Variants in PARG observed in about 807,000 individuals in gnomAD.
The protein encoded by PARG is mitochondrial poly(ADP-ribose) glycohydrolase.
Under a neutral mutation model 113.0 loss-of-function variants are expected in PARG, and 35 were observed. That is an observed-to-expected ratio of 0.31 (90% CI 0.24 to 0.41). PARG has a LOEUF of 0.41. Ranked by LOEUF, PARG falls within the 10% of genes least tolerant of loss-of-function variation. The pLI is 1.00. For synonymous variants in PARG, 330 were observed against 409.9 expected (o/e 0.81, Z 2.36); for missense variants, 797 against 1,169.4 (o/e 0.68, Z 4.64).
At chr10:49,938,958 T>C (rs1239628440) in intron 1 of PARG, among the ~76,000 whole-genome samples, 1 of 152,128 alleles carries the variant, frequency 6.6e-6, no homozygotes, top group Non-Finnish European at 1.5e-5. Context: ...CTGTGCCAGG[T>C]ATACAGAAAA....
intron 7 of PARG, among the ~76,000 whole-genome samples, chr10:49,911,262 G>A (rs1837166204): frequency 6.8e-6 from 1 of 147,762 alleles, no homozygotes; most frequent in Non-Finnish European, 1.5e-5. Context: ...CAGCCTGAGT[G>A]ACAGAGAAAG....
Position 49,913,216 on chromosome 10 carries a change from T to C in PARG, c.1737+2701A>G, listed in dbSNP as rs529243478. Among the ~76,000 whole-genome samples the C allele has an allele frequency of 1.8e-3, 271 of 152,268 alleles. 1 individual carries two copies. The highest frequency in any genetic ancestry group is 3.3e-3 in the Non-Finnish European group (225 of 68,028). On this transcript the variant is annotated intron_variant, in intron 7 of 17. Transcript: ENST00000616448. ...GAATAATATCTGGAGATTTGATGGA[T>C]AGAAAAATAAACAAGTGTATTAAAC... is the stretch of plus-strand genomic sequence containing the variant.
intron 7 of PARG, among the ~76,000 whole-genome samples, chr10:49,901,773 T>C (rs1393806595): frequency 2.0e-5 from 3 of 152,094 alleles, no homozygotes; most frequent in African/African-American, 4.8e-5. Flanking sequence ...TAATATCCAA[T>C]CTAAAAAAAT....
rs189729502 is a variant in PARG at position 49,907,047 on chromosome 10, G to C, written c.1737+8870C>G. Among the ~76,000 whole-genome samples the C allele has an allele frequency of 5.9e-5, 9 of 152,148 alleles. No homozygotes were observed. In the East Asian group the frequency reaches 1.7e-3, roughly 29 times the overall value. On this transcript the variant is annotated intron_variant, in intron 7 of 17. Transcript: ENST00000616448. ...ATGCCCTTTGTTTATCTTAGAGCTA[G>C]GCTTCTCAGGACTGAGGCAGATTAG...
chr10:49,932,348 A>T, intron 3 of PARG, 65 bp from the exon 4 acceptor site: 1 of 927,636 alleles, frequency 1.1e-6, no homozygotes, highest in Non-Finnish European at 1.8e-6. Context: ...TAGATACACA[A>T]GCACAAAACT....
Position 49,932,125 on chromosome 10 carries a change from G to T in PARG, c.1430C>A (p.Ser477Tyr), listed in dbSNP as rs1554909939. 4.3e-5 allele frequency: 69 copies of T among 1,602,988 alleles called. No individual in the cohort carries two copies. Among genetic ancestry groups the T allele is most frequent in the African/African-American group, 6.7e-5 (5 of 74,878 alleles). The change falls in exon 4 of 18, where the codon TCT (serine) becomes TAT (tyrosine). Residue 477 changes from serine (S) to tyrosine (Y), a missense_variant. This residue lies in a region of PARG where 252 missense variants were observed against 437.4 expected (regional missense o/e 0.58). Coordinates refer to ENST00000616448, the MANE Select transcript of PARG (RefSeq NM_003631.5). ...CGIRLPLLRP[S>Y]ANHTVTIRVD... ...CCGAATAGTTACTGTGTGATTGGCA[G>T]ATGGTCTCAAGAGAGGCAGCCGGAT...
At chr10:49,828,092 C>CAAAAAAAAAAAAAAAAAAAAAAA (rs71026274) in intron 16 of PARG, among the ~76,000 whole-genome samples, 1 of 50,410 alleles carries the variant, frequency 2.0e-5, no homozygotes, top group Non-Finnish European at 3.5e-5. Flanking sequence ...AAAGCTTAAA[C>CAAAAAAAAAAAAAAAAAAAAAAA]AAAAAAAAAA....
intron 4 of PARG, among the ~76,000 whole-genome samples, chr10:49,922,927 T>C (rs1261110012): frequency 6.6e-6 from 1 of 152,188 alleles, no homozygotes; most frequent in Non-Finnish European, 1.5e-5. Flanking sequence ...TTTCCTATCC[T>C]TCTCCCTAAC....
intron 15 of PARG, 192 bp from the exon 16 acceptor site, chr10:49,833,100 G>C (rs1219060454): frequency 2.7e-5 from 11 of 401,568 alleles, no homozygotes; most frequent in African/African-American, 1.5e-4. Context: ...ATGCAAGGAA[G>C]AGACTAAGAA....
intron 16 of PARG, among the ~76,000 whole-genome samples, chr10:49,826,021 G>T (rs1002848026): frequency 1.3e-5 from 2 of 152,092 alleles, no homozygotes; most frequent in African/African-American, 4.8e-5. Flanking sequence ...AAATTGAAAT[G>T]CTCCAAAGAG....
At chr10:49,829,391 C>T (rs1373136401) in intron 16 of PARG, among the ~76,000 whole-genome samples, 4 of 152,094 alleles carry the variant, frequency 2.6e-5, no homozygotes, top group African/African-American at 9.7e-5. Context: ...TACCATTGTG[C>T]TCAGCTTAGC....
At chr10:49,852,968 T>A (rs1845824044) in intron 13 of PARG, among the ~76,000 whole-genome samples, 1 of 151,750 alleles carries the variant, frequency 6.6e-6, no homozygotes, top group African/African-American at 2.4e-5. Context: ...AAATTCATCT[T>A]AAAAACTGAT....
At chr10:49,917,637 A>G (rs1837572646) in intron 6 of PARG, among the ~76,000 whole-genome samples, 1 of 151,768 alleles carries the variant, frequency 6.6e-6, no homozygotes, top group Admixed American at 6.6e-5. Flanking sequence ...CCTGGGCAAC[A>G]TGACAAGACC....
At chr10:49,846,867 C>T (rs1277576596) in intron 13 of PARG, among the ~76,000 whole-genome samples, 1 of 151,448 alleles carries the variant, frequency 6.6e-6, no homozygotes, top group Non-Finnish European at 1.5e-5. Context: ...AGAGCTGGTG[C>T]AGGGAATATA....
chr10:49,941,995 C>G lies in PARG; in HGVS notation c.-270G>C. 1.1e-6 allele frequency: 1 copy of G among 921,874 alleles called. No individual in the cohort carries two copies. The highest frequency in any genetic ancestry group is 2.6e-5 in the East Asian group (1 of 37,844). 57.1% of individuals were successfully genotyped at this position (921,874 alleles called of 1,614,324 possible). A position where few individuals can be genotyped will look rare whatever the true frequency, so the allele number is the denominator to read the frequency against. ...CACTTTCCCACCACCGGAAAGCTGCCGTCAGGCGCTTCCGGCTTCCGGGGC... is the reference window on the plus strand; with the variant it reads ...CACTTTCCCACCACCGGAAAGCTGCGGTCAGGCGCTTCCGGCTTCCGGGGC... On this transcript the variant is annotated 5_prime_UTR_variant, in exon 1 of 18. Coordinates refer to ENST00000616448, the MANE Select transcript of PARG (RefSeq NM_003631.5).
intron 1 of PARG, among the ~76,000 whole-genome samples, chr10:49,938,736 C>T (rs1195076066): frequency 4.6e-5 from 7 of 151,856 alleles, no homozygotes; most frequent in Admixed American, 1.3e-4. Context: ...GCAAAATTAG[C>T]GATTTCAGTC....
chr10:49,862,244 G>A (rs1554836100), intron 11 of PARG, among the ~76,000 whole-genome samples: 3 of 151,844 alleles, frequency 2.0e-5, no homozygotes, highest in Non-Finnish European at 4.4e-5. Context: ...TGGCCACTGA[G>A]GTATTGACTT....
At chr10:49,834,732 T>C (rs868928697) in intron 15 of PARG, among the ~76,000 whole-genome samples, 7 of 152,030 alleles carry the variant, frequency 4.6e-5, no homozygotes, top group African/African-American at 1.7e-4. Context: ...GTCACCTACT[T>C]GGGAGGCTGA....
At chr10:49,909,902 C>G (rs1296838452) in intron 7 of PARG, 1 of 166,482 alleles carries the variant, frequency 6.0e-6, no homozygotes, top group African/African-American at 2.4e-5. Flanking sequence ...GCTAAGGCCA[C>G]TGGACACAGA....
Sources: allele counts gnomAD v4.1 joint callset (sites outside exome capture counted in the v4.1 genomes callset), GRCh38; gene constraint gnomAD v4.1.1; regional missense constraint gnomAD v4.1.1; transcripts MANE v1.5; gene names NCBI Gene and HGNC (gene_info 2026-07-23, HGNC 2026-07-21).